PCDHA2: variants seen among roughly 807,000 people sequenced by gnomAD.
PCDHA2 encodes the protein protocadherin alpha-2.
PCDHA2 carries 58 observed loss-of-function variants against 66.0 expected under a neutral mutation model. The ratio of observed to expected loss-of-function variants is 0.88; its 90% CI spans 0.71 to 1.09. PCDHA2 has a LOEUF of 1.09. Ranked by LOEUF, PCDHA2 falls within the 50% of genes least tolerant of loss-of-function variation. The pLI, the probability that PCDHA2 is intolerant of heterozygous loss-of-function variation, is 0.00. For missense variants in PCDHA2, 1,267 were observed against 1,242.3 expected, an observed-to-expected ratio of 1.02 and a Z score of -0.30; for synonymous variants, 634 against 554.0, an observed-to-expected ratio of 1.14 and a Z score of -2.03.
intron 1 of PCDHA2, among the ~76,000 whole-genome samples, chr5:140,874,127 A>G (rs1297073584): frequency 2.0e-5 from 3 of 151,564 alleles, no homozygotes; most frequent in Non-Finnish European, 4.4e-5. Flanking sequence ...TAGTTTATTT[A>G]AGTTATCTTA....
chr5:140,850,114 C>T (rs2150468329), intron 1 of PCDHA2: 2 of 1,595,992 alleles, frequency 1.3e-6, no homozygotes, highest in Non-Finnish European at 1.7e-6. Context: ...GCGCGCGACG[C>T]GGGCGTGCCG....
intron 3 of PCDHA2, among the ~76,000 whole-genome samples, chr5:141,005,884 T>G (rs1554260408): frequency 6.6e-6 from 1 of 151,862 alleles, no homozygotes; most frequent in Non-Finnish European, 1.5e-5. Flanking sequence ...GAGTTTGAGG[T>G]TACATCAAGC....
intron 1 of PCDHA2, chr5:140,927,853 G>A: frequency 6.2e-7 from 1 of 1,614,214 alleles, no homozygotes. Flanking sequence ...CTTTGGTTTA[G>A]CTAGCACCGC....
rs545349225 is a variant in PCDHA2, at chr5:140,969,608, C to T, written c.2389-9341C>T. On this transcript the variant is annotated intron_variant, in intron 1 of 3. Coordinates refer to ENST00000526136, the MANE Select transcript of PCDHA2 (RefSeq NM_018905.3). ...AGTCTTAATATTTAATGCTAAAACA[C>T]AGATTTGTAGAGAAACAGGACAGGC... 646 of 747,324 alleles carry T rather than the reference C, an allele frequency of 8.6e-4. 1 individual carries two copies. Among genetic ancestry groups the T allele is most frequent in the Middle Eastern group, 3.2e-3 (8 of 2,532 alleles). The allele number at this position is 747,324 out of a possible 1,614,324, so 46.3% of individuals were successfully genotyped here. A position where few individuals can be genotyped will look rare whatever the true frequency, so the allele number is the denominator to read the frequency against.
At chr5:140,804,716 T>A (rs1352087005) in intron 1 of PCDHA2, 1 of 175,340 alleles carries the variant, frequency 5.7e-6, no homozygotes, top group African/African-American at 2.4e-5. Flanking sequence ...GTAGACTTTT[T>A]TCTAATCACT....
chr5:140,872,209 T>C (rs900203010), intron 1 of PCDHA2, among the ~76,000 whole-genome samples: 4 of 152,214 alleles, frequency 2.6e-5, no homozygotes, highest in South Asian at 2.1e-4. Context: ...AAATTCATTA[T>C]ATATGAAACA....
chr5:140,990,611 G>T lies in PCDHA2; in HGVS notation c.2536+8048G>T, dbSNP rs577900189. ...AATCACCTGGAGTCAGATGAATACCGTAAAGGTCTGTGGTAAGACTAGAAG... is the reference window on the plus strand; with the variant it reads ...AATCACCTGGAGTCAGATGAATACCTTAAAGGTCTGTGGTAAGACTAGAAG... On this transcript the variant is annotated intron_variant, in intron 3 of 3. Transcript: ENST00000526136. 5.3e-5 allele frequency among the ~76,000 whole-genome samples: 8 copies of T among 152,230 alleles called. No homozygotes were observed. In the East Asian group the frequency reaches 9.6e-4, roughly 18 times the overall value.
chr5:140,875,349 CTG>C, intron 1 of PCDHA2: 1 of 1,444,894 alleles, frequency 6.9e-7, no homozygotes, highest in Non-Finnish European at 9.1e-7. Context: ...TCCATAATGA[CTG>C]TGATGCTGGA....
At chr5:140,914,923 T>C (rs2076880546) in intron 1 of PCDHA2, among the ~76,000 whole-genome samples, 1 of 151,134 alleles carries the variant, frequency 6.6e-6, no homozygotes, top group Admixed American at 6.6e-5. Context: ...TGTCTTATTG[T>C]ACTATGTTGT....
At chr5:140,928,729 G>A (rs2085477021) in intron 1 of PCDHA2, 1 of 1,613,996 alleles carries the variant, frequency 6.2e-7, no homozygotes, top group Non-Finnish European at 8.5e-7. Context: ...TAGAATTTCA[G>A]CCAATATAGG....
intron 1 of PCDHA2, chr5:140,822,558 TA>T: frequency 1.9e-6 from 3 of 1,613,478 alleles, no homozygotes; most frequent in Non-Finnish European, 2.5e-6. Context: ...CATTAGTTAT[TA>T]AACTGAACGC....
intron 1 of PCDHA2, chr5:140,882,754 T>C: frequency 1.2e-6 from 2 of 1,614,228 alleles, no homozygotes; most frequent in South Asian, 1.1e-5. Flanking sequence ...ATGCAGATAT[T>C]GGAGTAAACT....
chr5:140,821,779 G>C, intron 1 of PCDHA2: 2 of 1,609,366 alleles, frequency 1.2e-6, no homozygotes, highest in Non-Finnish European at 1.7e-6. Context: ...GATTGAGATG[G>C]TATATTCCCG....
intron 1 of PCDHA2, chr5:140,869,456 A>G (rs782269395): frequency 1.9e-6 from 3 of 1,614,072 alleles, no homozygotes; most frequent in Non-Finnish European, 2.5e-6. Flanking sequence ...CAGGTTTTCC[A>G]TGTGAACGTG....
At chr5:140,931,508 A>G (rs1214894603) in intron 1 of PCDHA2, among the ~76,000 whole-genome samples, 8 of 152,078 alleles carry the variant, frequency 5.3e-5, no homozygotes, top group Non-Finnish European at 1.0e-4. Flanking sequence ...TTAAACATAT[A>G]TGAATGATTA....
At chr5:140,808,694 G>A in intron 1 of PCDHA2, 1 of 1,612,206 alleles carries the variant, frequency 6.2e-7, no homozygotes, top group Non-Finnish European at 8.5e-7. Context: ...AGGGGAGCGC[G>A]CGCTGTCGAG....
At chr5:140,973,354 T>A (rs937415600) in intron 1 of PCDHA2, among the ~76,000 whole-genome samples, 4 of 152,202 alleles carry the variant, frequency 2.6e-5, no homozygotes, top group Non-Finnish European at 5.9e-5. Flanking sequence ...AGTAGTGAAT[T>A]TATAAAAATT....
rs1762162789 is a variant in PCDHA2, at chr5:140,796,959, G to A, written c.1995G>A (p.Val665=). The A allele has an allele frequency of 6.2e-7, 1 of 1,613,758 alleles. No individual in the cohort carries two copies. Among genetic ancestry groups the A allele is most frequent in the Admixed American group, 1.7e-5 (1 of 60,016 alleles). Residue 665 remains valine, a synonymous_variant, in exon 1 of 4, where the codon GTG becomes GTA. Coordinates refer to ENST00000526136, the MANE Select transcript of PCDHA2 (RefSeq NM_018905.3). ...CAGCGTTGACAGCCACGGCCACCGT[G>A]TTAGTGTCGTTGGTGGAAAGTGGCC... ...GEPALTATAT[V]LVSLVESGQA... is the part of the protein sequence containing the mutation.
intron 1 of PCDHA2, among the ~76,000 whole-genome samples, chr5:140,944,130 G>C (rs141500614): frequency 3.9e-4 from 60 of 152,256 alleles, no homozygotes; most frequent in Non-Finnish European, 7.9e-4. Context: ...AGAAGAAAAG[G>C]TTGAAGATTA....
Sources: gnomAD v4.1 joint callset for allele counts (sites outside exome capture counted in the v4.1 genomes callset) on GRCh38, gnomAD v4.1.1 for gene constraint, MANE v1.5 for transcripts, NCBI Gene and HGNC (gene_info 2026-07-23, HGNC 2026-07-21) for gene names.